The following GPR158 variants were observed in gnomAD, a reference collection of about 807,000 sequenced individuals.
GPR158 encodes the protein G protein-coupled receptor 158, also known as metabotropic glycine receptor.
In GPR158, 30 loss-of-function variants were observed where a neutral mutation model predicts 78.2. That is an observed-to-expected ratio of 0.38 (90% CI 0.29 to 0.52). The LOEUF is 0.52. GPR158 is among the 20% of genes least tolerant of loss of function. GPR158 has a pLI of 0.83. For missense variants in GPR158, 1,463 were observed against 1,523.5 expected (o/e 0.96, Z 0.66); for synonymous variants, 581 against 591.1 (o/e 0.98, Z 0.25).
chr10:25,460,191 TTTC>T (rs1203129812), intron 4 of GPR158, among the ~76,000 whole-genome samples: 3 of 152,066 alleles, frequency 2.0e-5, no homozygotes, highest in Admixed American at 2.0e-4. Context: ...AATCAGAGAT[TTTC>T]TTTTTTTTTT....
chr10:25,466,369 G>GAT (rs1375463102), intron 4 of GPR158: 7 of 304,430 alleles, frequency 2.3e-5, no homozygotes, highest in Non-Finnish European at 3.6e-5. Context: ...GTATCTTCAA[G>GAT]ATAGTGTTCT....
At chr10:25,346,731 A>G (rs192215043) in intron 2 of GPR158, among the ~76,000 whole-genome samples, 1 of 152,104 alleles carries the variant, frequency 6.6e-6, no homozygotes, top group Admixed American at 6.6e-5. Flanking sequence ...AAACTTTTGC[A>G]AAAATGAAGG....
At chr10:25,302,364 G>A (rs888650188) in intron 2 of GPR158, among the ~76,000 whole-genome samples, 1 of 151,966 alleles carries the variant, frequency 6.6e-6, no homozygotes, top group African/African-American at 2.4e-5. Flanking sequence ...GATTACAGGC[G>A]TGAGCCACCG....
chr10:25,326,732 TAA>T (rs1855039667), intron 2 of GPR158, among the ~76,000 whole-genome samples: 1 of 152,224 alleles, frequency 6.6e-6, no homozygotes, highest in Non-Finnish European at 1.5e-5. Context: ...TGAATATTAT[TAA>T]GAGAGTAGAT....
At chr10:25,455,148 T>C (rs1420920405) in intron 4 of GPR158, among the ~76,000 whole-genome samples, 3 of 152,176 alleles carry the variant, frequency 2.0e-5, no homozygotes, top group African/African-American at 7.2e-5. Flanking sequence ...GTTGGAAAAA[T>C]TTAGTTTTTG....
At chr10:25,197,487 A>G (rs1191522159) in intron 1 of GPR158, among the ~76,000 whole-genome samples, 5 of 152,202 alleles carry the variant, frequency 3.3e-5, no homozygotes, top group Non-Finnish European at 7.3e-5. Context: ...GATCCGTATG[A>G]ATAAGATCCA....
chr10:25,260,656 C>A (rs992445257), intron 2 of GPR158, among the ~76,000 whole-genome samples: 1 of 151,920 alleles, frequency 6.6e-6, no homozygotes, highest in African/African-American at 2.4e-5. Context: ...CCTTTGAAAG[C>A]GCTGGGTTTA....
intron 4 of GPR158, among the ~76,000 whole-genome samples, chr10:25,428,164 CA>C (rs1217245858): frequency 1.3e-5 from 2 of 151,924 alleles, no homozygotes; most frequent in Admixed American, 6.6e-5. Flanking sequence ...AAAGAAACTT[CA>C]TTTTTGTAAA....
At chr10:25,281,670 G>GA (rs976984575) in intron 2 of GPR158, among the ~76,000 whole-genome samples, 1 of 151,450 alleles carries the variant, frequency 6.6e-6, no homozygotes, top group Non-Finnish European at 1.5e-5. Flanking sequence ...ACTTAAGGAG[G>GA]AAAAAAAGGC....
At chr10:25,586,327 T>C (rs1837265296) in intron 7 of GPR158, among the ~76,000 whole-genome samples, 1 of 151,156 alleles carries the variant, frequency 6.6e-6, no homozygotes, top group Non-Finnish European at 1.5e-5. Flanking sequence ...GTGTTGAAAG[T>C]AAGGCCATAA....
chr10:25,434,433 G>T (rs1056213747), intron 4 of GPR158, among the ~76,000 whole-genome samples: 1 of 152,068 alleles, frequency 6.6e-6, no homozygotes, highest in African/African-American at 2.4e-5. Flanking sequence ...CAAATTGCTT[G>T]CTATTTGAAA....
intron 6 of GPR158, among the ~76,000 whole-genome samples, chr10:25,552,260 C>G (rs1291752910): frequency 3.3e-5 from 5 of 152,132 alleles, no homozygotes; most frequent in Admixed American, 6.5e-5. Context: ...CTAATGTTCT[C>G]CCTGACTCTC....
Position 25,410,573 on chromosome 10 carries a change from G to T in GPR158, c.1112-1677G>T, listed in dbSNP as rs182072048. On this transcript the variant is annotated intron_variant, in intron 3 of 10. Coordinates refer to ENST00000376351, the MANE Select transcript of GPR158 (RefSeq NM_020752.3). Reference sequence around the variant, plus strand: ...AGAGATTGCAGTGAGCCGAGATGATGCCACTGCACTCCAGCTTGGGTGACA... The same window carrying T: ...AGAGATTGCAGTGAGCCGAGATGATTCCACTGCACTCCAGCTTGGGTGACA... Among the ~76,000 whole-genome samples the T allele has an allele frequency of 7.9e-5, 12 of 152,252 alleles. No homozygotes were observed. In the East Asian group the frequency reaches 2.3e-3, roughly 29 times the overall value.
intron 7 of GPR158, among the ~76,000 whole-genome samples, chr10:25,579,304 G>A (rs955338481): frequency 6.6e-6 from 1 of 151,980 alleles, no homozygotes; most frequent in Admixed American, 6.6e-5. Flanking sequence ...AATACAAACT[G>A]ACAAGTAAGT....
chr10:25,591,663 C>G (rs1837342325), intron 8 of GPR158, among the ~76,000 whole-genome samples: 1 of 152,128 alleles, frequency 6.6e-6, no homozygotes, highest in Non-Finnish European at 1.5e-5. Flanking sequence ...GAAAGACTAA[C>G]TAGCTTGGTA....
intron 7 of GPR158, among the ~76,000 whole-genome samples, chr10:25,574,281 T>A (rs1417339074): frequency 6.6e-6 from 1 of 152,076 alleles, no homozygotes; most frequent in African/African-American, 2.4e-5. Flanking sequence ...AAATTTATTT[T>A]GCATTCCAAA....
intron 3 of GPR158, among the ~76,000 whole-genome samples, chr10:25,411,387 A>G (rs995203843): frequency 6.6e-6 from 1 of 152,196 alleles, no homozygotes; most frequent in Non-Finnish European, 1.5e-5. Flanking sequence ...ACAACTGTCA[A>G]TTAAATACCA....
chr10:25,373,776 A>G (rs1834037693), intron 2 of GPR158, among the ~76,000 whole-genome samples: 2 of 151,836 alleles, frequency 1.3e-5, no homozygotes, highest in Non-Finnish European at 1.5e-5. Flanking sequence ...ATGACTTCTA[A>G]TGTGGCCAGG....
chr10:25,358,972 A>G (rs56349409), intron 2 of GPR158, among the ~76,000 whole-genome samples: 15,106 of 151,864 alleles, frequency 0.099, 1,843 homozygotes, highest in African/African-American at 0.3. Flanking sequence ...GTATCTGCTA[A>G]ATCTGGTTGG....
Sources: allele counts gnomAD v4.1 joint callset (sites outside exome capture counted in the v4.1 genomes callset), GRCh38; gene constraint gnomAD v4.1.1; transcripts MANE v1.5; gene names NCBI Gene and HGNC (gene_info 2026-07-23, HGNC 2026-07-21).